Variants in ADGRD1 observed in about 807,000 individuals in gnomAD.
The protein encoded by ADGRD1 is G-protein coupled receptor 133.
In ADGRD1, 77 loss-of-function variants were observed where a neutral mutation model predicts 113.4. The ratio of observed to expected loss-of-function variants is 0.68; its 90% CI spans 0.57 to 0.82. ADGRD1 has a LOEUF of 0.82. ADGRD1 is among the 40% of genes least tolerant of loss of function. The pLI is 0.00. For synonymous variants in ADGRD1, 474 were observed against 475.0 expected (o/e 1.00, Z 0.03); for missense variants, 1,036 against 1,139.1 (o/e 0.91, Z 1.30).
intron 13 of ADGRD1, among the ~76,000 whole-genome samples, chr12:131,042,371 G>A (rs990256514): frequency 6.6e-6 from 1 of 152,138 alleles, no homozygotes; most frequent in African/African-American, 2.4e-5. Context: ...CCCCTGAGCC[G>A]CGTTCTTGCT....
intron 8 of ADGRD1, among the ~76,000 whole-genome samples, chr12:130,997,188 AC>A (rs36044466): frequency 0.036 from 748 of 20,746 alleles, 33 homozygotes; most frequent in African/African-American, 0.046. Flanking sequence ...CGGGGGGCTG[AC>A]CCCCCCCCCC....
In ADGRD1 at chr12:131,014,270, CCCCACCA is replaced by C; in HGVS notation, c.1410_1416del (p.Pro471CysfsTer19). ...AGCCACCTGATTTCCCTGGAGGTGTCCCCACCACCCACCCTGTCTCAGAACCTGTCGG... is the reference window on the plus strand; with the variant it reads ...AGCCACCTGATTTCCCTGGAGGTGTCCCCACCCTGTCTCAGAACCTGTCGG... On this transcript the variant is annotated frameshift_variant, in exon 13 of 25. Coordinates refer to ENST00000261654, the MANE Select transcript of ADGRD1 (RefSeq NM_198827.5). LOFTEE classifies it high-confidence loss of function. 1 of 1,613,594 alleles carries C rather than the reference CCCCACCA, an allele frequency of 6.2e-7. No homozygotes were observed. The highest frequency in any genetic ancestry group is 1.3e-5 in the African/African-American group (1 of 75,034).
Position 131,077,595 on chromosome 12 carries a change from G to A in ADGRD1, c.1547+721G>A, listed in dbSNP as rs77271485. On this transcript the variant is annotated intron_variant, in intron 14 of 24. Transcript: ENST00000261654. ...AGCGGTGTTGAAAACTCAGCTCCCC[G>A]CAGGGCCGGGGAGTGGAGGGAGGGG... 6.7e-3 allele frequency among the ~76,000 whole-genome samples: 1,013 copies of A among 152,166 alleles called. 8 individuals carry two copies. The highest frequency in any genetic ancestry group is 0.023 in the African/African-American group (966 of 41,522).
intron 13 of ADGRD1, among the ~76,000 whole-genome samples, chr12:131,042,135 T>A (rs1882197141): frequency 6.6e-6 from 1 of 152,368 alleles, no homozygotes; most frequent in Non-Finnish European, 1.5e-5. Context: ...GATATTTTTT[T>A]ACAGAACTGA....
rs1593339000 is a variant in ADGRD1, at chr12:131,004,373, G to T, written c.1255+77G>T. The T allele has an allele frequency of 7.2e-6, 8 of 1,118,428 alleles. 1 individual carries two copies. The highest frequency in any genetic ancestry group is 1.1e-5 in the Non-Finnish European group (8 of 746,500). The allele number at this position is 1,118,428 out of a possible 1,614,324, so 69.3% of individuals were successfully genotyped here. ...CTGAAGAGTCCCCAAGCTTTGCTGGGTGCCCACCGCGCCAGGGAGCTGCGG... is the reference window on the plus strand; with the variant it reads ...CTGAAGAGTCCCCAAGCTTTGCTGGTTGCCCACCGCGCCAGGGAGCTGCGG... On this transcript the variant is annotated intron_variant, in intron 11 of 24. Coordinates refer to ENST00000261654, the MANE Select transcript of ADGRD1 (RefSeq NM_198827.5).
chr12:131,112,427 G>A (rs921437875), intron 18 of ADGRD1, among the ~76,000 whole-genome samples: 1 of 152,130 alleles, frequency 6.6e-6, no homozygotes, highest in Non-Finnish European at 1.5e-5. Flanking sequence ...TATTTTTGAG[G>A]CCAGTCTTTG....
intron 8 of ADGRD1, among the ~76,000 whole-genome samples, chr12:130,997,006 G>A (rs1253197984): frequency 0.015 from 2,092 of 135,160 alleles, 84 homozygotes; most frequent in African/African-American, 0.033. Flanking sequence ...GGCCAGGCGG[G>A]GGGCTGACCC....
At chr12:131,091,672 C>G (rs887364498) in intron 15 of ADGRD1, among the ~76,000 whole-genome samples, 1 of 152,048 alleles carries the variant, frequency 6.6e-6, no homozygotes, top group Non-Finnish European at 1.5e-5. Flanking sequence ...CAGAAAGGCA[C>G]GGGCAGTGCA....
intron 4 of ADGRD1, among the ~76,000 whole-genome samples, chr12:130,975,553 G>A (rs571815177): frequency 6.9e-4 from 105 of 152,294 alleles, no homozygotes; most frequent in African/African-American, 2.4e-3. Context: ...ATGTTGCTAG[G>A]AGGTAGATCT....
chr12:131,070,974 G>A, intron 13 of ADGRD1: 2 of 517,254 alleles, frequency 3.9e-6, no homozygotes, highest in South Asian at 2.8e-5. Context: ...ACCATCAGGG[G>A]AATGTAAGAG....
At chr12:130,987,382 CT>C (rs1873830849) in intron 6 of ADGRD1, 33 bp downstream of exon 6, 1 of 1,611,316 alleles carries the variant, frequency 6.2e-7, no homozygotes, top group African/African-American at 1.3e-5. Context: ...GGCAGATCCG[CT>C]GTCTGTTCCC....
chr12:131,105,856 G>A lies in ADGRD1; in HGVS notation c.1878G>A (p.Glu626=), dbSNP rs1158606248. The A allele has an allele frequency of 4.4e-6, 7 of 1,597,516 alleles. No homozygotes were observed. Among genetic ancestry groups the A allele is most frequent in the Middle Eastern group, 1.6e-4 (1 of 6,078 alleles). ...QVLLLISFRL[E]PGTTPCQVMA... is the part of the protein sequence containing the mutation. ...TGCTGCTCATTAGTTTCCGCCTCGA[G>A]CCGGGCACGGTGAGTGGGCGCAGCT... is the stretch of plus-strand genomic sequence containing the variant. Residue 626 remains glutamate, a synonymous_variant, in exon 17 of 25, where the codon GAG becomes GAA. Coordinates refer to ENST00000261654, the MANE Select transcript of ADGRD1 (RefSeq NM_198827.5).
At chr12:130,997,191 C>CCCT in intron 8 of ADGRD1, among the ~76,000 whole-genome samples, 1 of 140,744 alleles carries the variant, frequency 7.1e-6, no homozygotes, top group Admixed American at 6.8e-5. Flanking sequence ...GGGGCTGACC[C>CCCT]CCCCCCCCGG....
At chr12:131,021,398 G>A (rs1257209352) in intron 13 of ADGRD1, among the ~76,000 whole-genome samples, 1 of 152,082 alleles carries the variant, frequency 6.6e-6, no homozygotes, top group Non-Finnish European at 1.5e-5. Flanking sequence ...GCGGCCGGCC[G>A]GTGCTTTGTG....
At chr12:131,133,853 A>G (rs532399637) in intron 21 of ADGRD1, among the ~76,000 whole-genome samples, 2 of 152,290 alleles carry the variant, frequency 1.3e-5, no homozygotes, top group Admixed American at 6.5e-5. Flanking sequence ...GCACCTTGCT[A>G]TTCTTCATCC....
Position 130,987,076 on chromosome 12 carries a change from G to C in ADGRD1, c.491-19G>C. ...TCATTCCCACAGTACTCAGAATGGC[G>C]ATCTTCACTCTTTTCCAGGCCCCTA... On this transcript the variant is annotated intron_variant, in intron 5 of 24. Coordinates refer to ENST00000261654, the MANE Select transcript of ADGRD1 (RefSeq NM_198827.5). 1 of 1,611,854 alleles carries C rather than the reference G, an allele frequency of 6.2e-7. No homozygotes were observed. The highest frequency in any genetic ancestry group is 8.5e-7 in the Non-Finnish European group (1 of 1,178,106).
intron 13 of ADGRD1, among the ~76,000 whole-genome samples, chr12:131,045,772 C>T (rs1359761341): frequency 6.6e-6 from 1 of 152,274 alleles, no homozygotes; most frequent in Admixed American, 6.5e-5. Flanking sequence ...CAGCTGCCGG[C>T]ACCAGGCGGC....
chr12:130,992,927 C>T (rs1874621617), intron 8 of ADGRD1, among the ~76,000 whole-genome samples: 2 of 152,140 alleles, frequency 1.3e-5, no homozygotes, highest in Admixed American at 1.3e-4. Context: ...CGTGGACTTG[C>T]TGTCTTCTGT....
intron 14 of ADGRD1, among the ~76,000 whole-genome samples, chr12:131,082,547 A>G (rs1338814480): frequency 6.6e-6 from 1 of 152,146 alleles, no homozygotes; most frequent in Non-Finnish European, 1.5e-5. Flanking sequence ...ACCCGTGGCT[A>G]CGTTCACCTA....
Sources: gnomAD v4.1 joint callset for allele counts (sites outside exome capture counted in the v4.1 genomes callset) on GRCh38, gnomAD v4.1.1 for gene constraint, MANE v1.5 for transcripts, NCBI Gene and HGNC (gene_info 2026-07-23, HGNC 2026-07-21) for gene names.